The following MRPS31 variants were observed in gnomAD, a reference collection of about 807,000 sequenced individuals.
The protein encoded by MRPS31 is mitochondrial ribosomal protein S31.
In MRPS31, 32 loss-of-function variants were observed where a neutral mutation model predicts 43.1. The ratio of observed to expected loss-of-function variants is 0.74; its 90% confidence interval spans 0.56 to 1.00. MRPS31 has a LOEUF of 1.00. Among genes scored for constraint, MRPS31 ranks in the 50% least tolerant of loss-of-function variants. The probability of loss-of-function intolerance (pLI) is 0.00; values close to 1 mark genes in which losing one functional copy is unlikely to be tolerated. For synonymous variants in MRPS31, 165 were observed against 161.6 expected (o/e 1.02, Z -0.16); for missense variants, 437 against 466.7 (o/e 0.94, Z 0.59).
At chr13:40,741,358 G>A (rs1880084638) in intron 6 of MRPS31, among the ~76,000 whole-genome samples, 1 of 152,122 alleles carries the variant, frequency 6.6e-6, no homozygotes, top group Non-Finnish European at 1.5e-5. Context: ...ACATGTAAGA[G>A]TTTAAGAATG....
At position 40,766,949 on chromosome 13, in the gene MRPS31, C is replaced by A; in HGVS notation, c.237G>T (p.Glu79Asp). Reference protein sequence around the residue: ...KKDKQSVRTEETSKETSESQD... With the variant: ...KKDKQSVRTEDTSKETSESQD... The stretch of plus-strand genomic sequence containing the variant: ...GGCTCTCTGAAGTCTCCTTGGAAGT[C>A]TCCTCAGTTCGAACAGACTGCTTAT... The change falls in exon 2 of 7, where the codon GAG (glutamate) becomes GAT (aspartate). Residue 79 changes from glutamate (E) to aspartate (D), a missense_variant. Coordinates refer to ENST00000323563, the MANE Select transcript of MRPS31 (RefSeq NM_005830.4). 6.2e-7 allele frequency: 1 copy of A among 1,614,074 alleles called. No individual in the cohort carries two copies. Among genetic ancestry groups the A allele is most frequent in the South Asian group, 1.1e-5 (1 of 91,078 alleles).
At chr13:40,753,462 A>G (rs1171151246) in intron 5 of MRPS31, among the ~76,000 whole-genome samples, 2 of 152,238 alleles carry the variant, frequency 1.3e-5, no homozygotes, top group Non-Finnish European at 1.5e-5. Context: ...ACAGAATGCA[A>G]CATTTCAAGG....
chr13:40,763,508 C>T (rs1017394096), intron 2 of MRPS31, among the ~76,000 whole-genome samples: 3 of 152,098 alleles, frequency 2.0e-5, no homozygotes, highest in South Asian at 2.1e-4. Context: ...TTCTCCCAGG[C>T]CAGATGCAAT....
intron 1 of MRPS31, among the ~76,000 whole-genome samples, chr13:40,770,068 G>A (rs76080821): frequency 0.024 from 3,611 of 152,236 alleles, 89 homozygotes; most frequent in Middle Eastern, 0.061. Context: ...GCCTGGCTCC[G>A]CATTCTTCTG....
At chr13:40,738,521 T>C (rs1879989272) in intron 6 of MRPS31, among the ~76,000 whole-genome samples, 1 of 151,686 alleles carries the variant, frequency 6.6e-6, no homozygotes, top group Non-Finnish European at 1.5e-5. Context: ...TTGATGAACA[T>C]TGATGCAAAA....
intron 6 of MRPS31, chr13:40,731,036 G>C (rs1376580413): frequency 6.6e-6 from 1 of 151,712 alleles, no homozygotes; most frequent in Non-Finnish European, 1.5e-5. Flanking sequence ...CTGAGGCAGG[G>C]GGATTGCTTG....
intron 1 of MRPS31, among the ~76,000 whole-genome samples, chr13:40,767,405 C>G (rs1880882416): frequency 1.3e-5 from 2 of 152,230 alleles, no homozygotes; most frequent in South Asian, 4.1e-4. Flanking sequence ...ACAACCATAA[C>G]AGCAGCAACT....
chr13:40,762,811 TGTGTGTGTGTGTG>T (rs1351063459), intron 2 of MRPS31, among the ~76,000 whole-genome samples: 4 of 150,248 alleles, frequency 2.7e-5, no homozygotes, highest in Non-Finnish European at 3.0e-5. Flanking sequence ...TGTGTGTGTG[TGTGTGTGTGTGTG>T]TGTGTGTGTG....
chr13:40,756,344 CTT>C (rs1342166457), intron 4 of MRPS31, among the ~76,000 whole-genome samples: 14 of 152,304 alleles, frequency 9.2e-5, no homozygotes, highest in Non-Finnish European at 1.8e-4. Flanking sequence ...GGCTCAGCAT[CTT>C]TAAGAACTTC....
chr13:40,734,576 G>T (rs1879819177), intron 6 of MRPS31, among the ~76,000 whole-genome samples: 1 of 152,194 alleles, frequency 6.6e-6, no homozygotes, highest in Non-Finnish European at 1.5e-5. Context: ...GAACAGGAAA[G>T]AATATATAGT....
chr13:40,734,941 G>T (rs1218646483), intron 6 of MRPS31, among the ~76,000 whole-genome samples: 1 of 152,184 alleles, frequency 6.6e-6, no homozygotes, highest in Non-Finnish European at 1.5e-5. Context: ...CAAGATGGCC[G>T]AATAGCAACA....
intron 6 of MRPS31, among the ~76,000 whole-genome samples, chr13:40,734,304 T>G (rs1593440613): frequency 6.6e-6 from 1 of 152,006 alleles, no homozygotes; most frequent in Non-Finnish European, 1.5e-5. Flanking sequence ...AGAAAGGGTA[T>G]CCAACATAGA....
intron 6 of MRPS31, among the ~76,000 whole-genome samples, chr13:40,730,720 C>T (rs1476026013): frequency 2.0e-5 from 3 of 151,704 alleles, no homozygotes; most frequent in Non-Finnish European, 4.4e-5. Flanking sequence ...GCCACCACGC[C>T]CAGCTGATTT....
At chr13:40,758,343 G>A (rs1188773491) in intron 3 of MRPS31, among the ~76,000 whole-genome samples, 3 of 152,114 alleles carry the variant, frequency 2.0e-5, no homozygotes, top group African/African-American at 7.2e-5. Context: ...ATGGGCATGA[G>A]CCAGCACACA....
chr13:40,764,680 A>C (rs1880792964), intron 2 of MRPS31, among the ~76,000 whole-genome samples: 1 of 152,184 alleles, frequency 6.6e-6, no homozygotes, highest in Non-Finnish European at 1.5e-5. Flanking sequence ...GCCCACAAAG[A>C]AAGCCACATG....
chr13:40,763,728 A>C (rs76726343), intron 2 of MRPS31, among the ~76,000 whole-genome samples: 49 of 152,318 alleles, frequency 3.2e-4, no homozygotes, highest in African/African-American at 1.2e-3. Context: ...AACCAGGGGA[A>C]ACTTTGTGAC....
chr13:40,734,051 C>T lies in MRPS31; in HGVS notation c.959-4450G>A, dbSNP rs186153835. On this transcript the variant is annotated intron_variant, in intron 6 of 6. Transcript: ENST00000323563. ...GGCTGAGGCAGGAGAATAGCTTGAACCTGAGAGGTGGAGGTTGCAGTGAGC... is the reference window on the plus strand; with the variant it reads ...GGCTGAGGCAGGAGAATAGCTTGAATCTGAGAGGTGGAGGTTGCAGTGAGC... Among the ~76,000 whole-genome samples, 499 of 151,056 alleles carry T rather than the reference C, an allele frequency of 3.3e-3. 3 individuals are homozygous for T. Among genetic ancestry groups the T allele is most frequent in the Non-Finnish European group, 4.2e-3 (286 of 67,890 alleles).
chr13:40,762,796 GT>G (rs1880738284), intron 2 of MRPS31, among the ~76,000 whole-genome samples: 1 of 44,012 alleles, frequency 2.3e-5, no homozygotes, highest in South Asian at 1.0e-3. Flanking sequence ...GTGTGTGTGT[GT>G]GTGTGTGTGT....
chr13:40,730,080 T>C (rs73457351), intron 6 of MRPS31, among the ~76,000 whole-genome samples: 6,820 of 152,132 alleles, frequency 0.045, 313 homozygotes, highest in East Asian at 0.14. Context: ...GACTTTGGAC[T>C]AATTAATTAA....
Sources: gnomAD v4.1 joint callset for allele counts (sites outside exome capture counted in the v4.1 genomes callset) on GRCh38, gnomAD v4.1.1 for gene constraint, MANE v1.5 for transcripts, NCBI Gene and HGNC (gene_info 2026-07-23, HGNC 2026-07-21) for gene names.